CFAP299: variants seen among roughly 807,000 people sequenced by gnomAD.
CFAP299 encodes cilia- and flagella-associated protein 299.
CFAP299 carries 21 observed loss-of-function variants against 27.0 expected under a neutral mutation model. The observed-to-expected ratio is 0.78, with a 90% CI of 0.55 to 1.12. The LOEUF (loss-of-function observed/expected upper bound fraction) is 1.12. CFAP299 is among the 50% of genes most tolerant of loss of function. The probability of loss-of-function intolerance (pLI) is 0.00; values close to 1 mark genes in which losing one functional copy is unlikely to be tolerated. For missense variants in CFAP299, 310 were observed against 276.6 expected (o/e 1.12, Z -0.86); for synonymous variants, 104 against 98.1 (o/e 1.06, Z -0.36).
the CFAP299 span, among the ~76,000 whole-genome samples, chr4:80,329,641 T>A: frequency 6.6e-6 from 1 of 152,198 alleles, no homozygotes; most frequent in Admixed American, 6.5e-5. Flanking sequence ...TAGCTCTTAA[T>A]GGAATTGGCA....
At chr4:80,881,553 T>G (rs1030697942) in intron 4 of CFAP299, among the ~76,000 whole-genome samples, 1 of 139,156 alleles carries the variant, frequency 7.2e-6, no homozygotes, top group Non-Finnish European at 1.7e-5. Context: ...TGCTCCTTGT[T>G]GAGTTGGCCT....
intron 2 of CFAP299, among the ~76,000 whole-genome samples, chr4:80,552,877 G>A (rs1201696061): frequency 1.3e-5 from 2 of 152,036 alleles, no homozygotes; most frequent in Non-Finnish European, 2.9e-5. Flanking sequence ...TTAGAGATGG[G>A]GGCGCTCACT....
intron 3 of CFAP299, among the ~76,000 whole-genome samples, chr4:80,794,784 C>T (rs778415231): frequency 6.6e-6 from 1 of 152,116 alleles, no homozygotes; most frequent in African/African-American, 2.4e-5. Flanking sequence ...AGTGTATATT[C>T]CAGCGAGGAC....
intron 3 of CFAP299, among the ~76,000 whole-genome samples, chr4:80,787,218 A>T (rs920163056): frequency 6.8e-6 from 1 of 148,068 alleles, no homozygotes; most frequent in Non-Finnish European, 1.5e-5. Context: ...ATAATATTTT[A>T]TATATATATA....
intron 2 of CFAP299, among the ~76,000 whole-genome samples, chr4:80,391,905 A>G (rs1725501951): frequency 6.6e-6 from 1 of 152,236 alleles, no homozygotes; most frequent in South Asian, 2.1e-4. Flanking sequence ...AAAAAGCCAC[A>G]GCGGTGGAGC....
intron 3 of CFAP299, among the ~76,000 whole-genome samples, chr4:80,709,932 T>G (rs1722044343): frequency 6.6e-6 from 1 of 152,188 alleles, no homozygotes; most frequent in Non-Finnish European, 1.5e-5. Context: ...AAGAATGTAA[T>G]AGCTAAGAGC....
chr4:80,809,816 A>G (rs1394278941), intron 3 of CFAP299, among the ~76,000 whole-genome samples: 4 of 152,112 alleles, frequency 2.6e-5, no homozygotes, highest in African/African-American at 4.8e-5. Flanking sequence ...ATCCCTTCCT[A>G]AAATGTGACA....
chr4:80,596,479 G>A (rs1054543665), intron 3 of CFAP299, among the ~76,000 whole-genome samples: 4 of 151,840 alleles, frequency 2.6e-5, no homozygotes, highest in African/African-American at 9.7e-5. Flanking sequence ...TAAATATTTA[G>A]GGCTTTTTAA....
Position 80,865,367 on chromosome 4 carries a change from A to G in CFAP299, c.334-4626A>G, listed in dbSNP as rs186269623. On this transcript the variant is annotated intron_variant, in intron 3 of 5. Transcript: ENST00000358105. ...TCATTCAAATTCTTAGGCAATCCACAAAATATAAATAAGGCAGTGAAATTT... is the reference window on the plus strand; with the variant it reads ...TCATTCAAATTCTTAGGCAATCCACGAAATATAAATAAGGCAGTGAAATTT... 3.8e-3 allele frequency among the ~76,000 whole-genome samples: 576 copies of G among 152,336 alleles called. 6 individuals are homozygous for G. Among genetic ancestry groups the G allele is most frequent in the African/African-American group, 0.013 (548 of 41,570 alleles).
chr4:80,899,186 T>G (rs561601381), intron 4 of CFAP299, among the ~76,000 whole-genome samples: 1 of 152,334 alleles, frequency 6.6e-6, no homozygotes, highest in East Asian at 1.9e-4. Context: ...TGTAGAACAC[T>G]TAGAACAGTC....
intron 3 of CFAP299, among the ~76,000 whole-genome samples, chr4:80,594,122 C>T (rs116498533): frequency 8.3e-4 from 126 of 152,194 alleles, no homozygotes; most frequent in African/African-American, 2.9e-3. Flanking sequence ...CATTTTCGCA[C>T]TGCTATAAAG....
chr4:80,569,617 GTT>G (rs1209540938), intron 2 of CFAP299, among the ~76,000 whole-genome samples: 1 of 151,900 alleles, frequency 6.6e-6, no homozygotes, highest in African/African-American at 2.4e-5. Context: ...TAATGAGAGA[GTT>G]TAGCAAAATT....
chr4:80,378,443 C>T (rs1464874437), intron 2 of CFAP299, among the ~76,000 whole-genome samples: 4 of 151,132 alleles, frequency 2.6e-5, no homozygotes, highest in Admixed American at 1.3e-4. Flanking sequence ...ATGAAACCTC[C>T]AAGATAATGT....
At chr4:80,773,388 G>A (rs928800044) in intron 3 of CFAP299, among the ~76,000 whole-genome samples, 4 of 152,084 alleles carry the variant, frequency 2.6e-5, no homozygotes, top group Admixed American at 2.6e-4. Context: ...AGTTTCTTGA[G>A]CAGACTAGTC....
In CFAP299 at chr4:80,562,705, C is replaced by A. The variant is rs1035691454; in HGVS notation, c.243-20388C>A. ...ATAATAATAATAATAACAACAACAA[C>A]ATTGAATGTATAAAGACTAAACTCT... On this transcript the variant is annotated intron_variant, in intron 2 of 5. Transcript: ENST00000358105. Among the ~76,000 whole-genome samples, 5 of 149,122 alleles carry A rather than the reference C, an allele frequency of 3.4e-5. No homozygotes were observed. The South Asian group carries it at 8.4e-4, about 25-fold the overall frequency.
intron 2 of CFAP299, among the ~76,000 whole-genome samples, chr4:80,530,450 T>G (rs1733409963): frequency 6.6e-6 from 1 of 152,192 alleles, no homozygotes; most frequent in African/African-American, 2.4e-5. Context: ...AGCCATTTTA[T>G]TTTTTACTTT....
chr4:80,324,021 A>C, the CFAP299 span, among the ~76,000 whole-genome samples: 3 of 152,114 alleles, frequency 2.0e-5, no homozygotes, highest in African/African-American at 7.2e-5. Context: ...CAGAACGTGC[A>C]GGTTTGTTAC....
chr4:80,663,126 A>AT (rs1265706849), intron 3 of CFAP299, among the ~76,000 whole-genome samples: 1 of 151,848 alleles, frequency 6.6e-6, no homozygotes, highest in Non-Finnish European at 1.5e-5. Context: ...CATTTTTAAA[A>AT]TTTTTTTATT....
chr4:80,747,249 T>A (rs556604201), intron 3 of CFAP299, among the ~76,000 whole-genome samples: 1 of 152,178 alleles, frequency 6.6e-6, no homozygotes, highest in Non-Finnish European at 1.5e-5. Flanking sequence ...TATGAAGTAT[T>A]ATGTACTGTA....
Sources: gnomAD v4.1 joint callset for allele counts (sites outside exome capture counted in the v4.1 genomes callset) on GRCh38, gnomAD v4.1.1 for gene constraint, MANE v1.5 for transcripts, NCBI Gene and HGNC (gene_info 2026-07-23, HGNC 2026-07-21) for gene names.